The following FAM135B variants were observed in gnomAD, a reference collection of about 807,000 sequenced individuals.
FAM135B encodes the protein protein FAM135B.
A neutral mutation model predicts 127.7 loss-of-function variants in FAM135B; 43 were observed. The observed-to-expected ratio is 0.34, with a 90% CI of 0.26 to 0.43. The LOEUF (loss-of-function observed/expected upper bound fraction) is 0.43. FAM135B is among the 20% of genes least tolerant of loss of function. The probability of loss-of-function intolerance (pLI) is 1.00; values close to 1 mark genes in which losing one functional copy is unlikely to be tolerated. For missense variants in FAM135B, 1,558 were observed against 1,725.6 expected, an observed-to-expected ratio of 0.90 and a Z score of 1.72; for synonymous variants, 670 against 665.1, an observed-to-expected ratio of 1.01 and a Z score of -0.11.
intron 7 of FAM135B, among the ~76,000 whole-genome samples, 191 bp from the exon 8 acceptor site, chr8:138,197,860 A>T (rs1449089897): frequency 6.6e-6 from 1 of 152,158 alleles, no homozygotes; most frequent in East Asian, 1.9e-4. Flanking sequence ...CCTGAGCTGG[A>T]ATTGCTTCTT....
intron 3 of FAM135B, among the ~76,000 whole-genome samples, chr8:138,269,523 C>T (rs1409901801): frequency 1.3e-5 from 2 of 152,210 alleles, no homozygotes; most frequent in Non-Finnish European, 2.9e-5. Flanking sequence ...TGTGTGAATT[C>T]CTTTAAACTC....
intron 7 of FAM135B, among the ~76,000 whole-genome samples, chr8:138,220,036 C>T (rs969786426): frequency 6.8e-6 from 1 of 146,452 alleles, no homozygotes; most frequent in Non-Finnish European, 1.5e-5. Context: ...TTAACTCATA[C>T]ACAAATAGGG....
chr8:138,342,227 T>C (rs925545421), intron 2 of FAM135B, among the ~76,000 whole-genome samples: 1 of 152,176 alleles, frequency 6.6e-6, no homozygotes. Flanking sequence ...GACAGAACCA[T>C]GATTCAATTC....
Position 138,130,608 on chromosome 8 carries a change from G to A in FAM135B, c.*1985C>T, listed in dbSNP as rs1816138835. The A allele has an allele frequency of 6.6e-6, 1 of 152,254 alleles. No individual in the cohort carries two copies. The highest frequency in any genetic ancestry group is 2.1e-4 in the South Asian group (1 of 4,822). The allele number at this position is 152,254 out of a possible 1,614,324, so 9.4% of individuals were successfully genotyped here. A position where few individuals can be genotyped will look rare whatever the true frequency, so the allele number is the denominator to read the frequency against. On this transcript the variant is annotated 3_prime_UTR_variant, in exon 20 of 20. Transcript: ENST00000395297. Reference sequence around the variant, plus strand: ...CTGATGAAAATTGGAAACACAACATGAAATGCACTCATCAGAGGGACAGGG... The same window carrying A: ...CTGATGAAAATTGGAAACACAACATAAAATGCACTCATCAGAGGGACAGGG...
chr8:138,331,525 AG>A (rs1477353509), intron 2 of FAM135B, among the ~76,000 whole-genome samples: 1 of 152,198 alleles, frequency 6.6e-6, no homozygotes, highest in Non-Finnish European at 1.5e-5. Flanking sequence ...ACAGTAAAAC[AG>A]TGGTGAGGCT....
At chr8:138,351,837 GTGCTACCAT>G (rs960580096) in intron 2 of FAM135B, among the ~76,000 whole-genome samples, 1 of 151,946 alleles carries the variant, frequency 6.6e-6, no homozygotes, top group African/African-American at 2.4e-5. Context: ...CTACAGGCAT[GTGCTACCAT>G]GCCCAGCTAA....
chr8:138,289,587 C>T (rs1377251806), intron 3 of FAM135B, among the ~76,000 whole-genome samples: 1 of 152,222 alleles, frequency 6.6e-6, no homozygotes, highest in African/African-American at 2.4e-5. Context: ...CCTGTGTATA[C>T]TTCAACTAAC....
intron 1 of FAM135B, among the ~76,000 whole-genome samples, chr8:138,393,039 G>C (rs1298496847): frequency 6.6e-6 from 1 of 152,170 alleles, no homozygotes; most frequent in African/African-American, 2.4e-5. Flanking sequence ...GTGAGGAGGA[G>C]CAAGTCACGT....
chr8:138,242,721 A>G lies in FAM135B; in HGVS notation c.669+221T>C, dbSNP rs1427277422. On this transcript the variant is annotated intron_variant, in intron 7 of 19. Coordinates refer to ENST00000395297, the MANE Select transcript of FAM135B (RefSeq NM_015912.4). This position sits in a 1 kb window ranked among gnomAD's most constrained non-coding sequence, Gnocchi z 9.6. ...GACCACATATAACAAGTATCATATGAAGACCATATTCCCTGTATCTATCCC... is the reference window on the plus strand; with the variant it reads ...GACCACATATAACAAGTATCATATGGAGACCATATTCCCTGTATCTATCCC... Among the ~76,000 whole-genome samples, 1 of 152,178 alleles carries G rather than the reference A, an allele frequency of 6.6e-6. No individual in the cohort carries two copies. Among genetic ancestry groups the G allele is most frequent in the Non-Finnish European group, 1.5e-5 (1 of 68,036 alleles).
At chr8:138,263,834 T>A (rs1250394446) in intron 4 of FAM135B, among the ~76,000 whole-genome samples, 1 of 152,188 alleles carries the variant, frequency 6.6e-6, no homozygotes, top group Non-Finnish European at 1.5e-5. Context: ...ATGTTGGGTA[T>A]CCACAGTGTA....
chr8:138,270,897 T>C (rs1389364911), intron 3 of FAM135B, among the ~76,000 whole-genome samples: 2 of 152,238 alleles, frequency 1.3e-5, no homozygotes, highest in Non-Finnish European at 2.9e-5. Flanking sequence ...GAGGCCCTAG[T>C]GGCCTGTGCA....
intron 1 of FAM135B, among the ~76,000 whole-genome samples, chr8:138,495,202 T>C (rs1815345366): frequency 6.6e-6 from 1 of 152,220 alleles, no homozygotes; most frequent in Non-Finnish European, 1.5e-5. Context: ...TCCCATTGGA[T>C]TGTGATTGAG....
chr8:138,262,921 A>G, intron 4 of FAM135B, among the ~76,000 whole-genome samples: 1 of 149,530 alleles, frequency 6.7e-6, no homozygotes, highest in African/African-American at 2.5e-5. Flanking sequence ...AAAAAAAAAA[A>G]GCAACTAACA....
intron 3 of FAM135B, among the ~76,000 whole-genome samples, chr8:138,281,282 T>A (rs544533646): frequency 7.9e-5 from 12 of 152,236 alleles, no homozygotes; most frequent in African/African-American, 2.9e-4. Context: ...TGAAATATAT[T>A]CACCATTCTC....
At position 138,151,529 on chromosome 8, in the gene FAM135B, T is replaced by A. The variant is rs200519684; in HGVS notation, c.2946A>T (p.Ala982=). The change falls in exon 13 of 20, where the codon GCA becomes GCT. Residue 982 remains alanine (A), a synonymous_variant. Coordinates refer to ENST00000395297, the MANE Select transcript of FAM135B (RefSeq NM_015912.4). ...GGGTCACAGTGGGGCACACAGTGCC[T>A]GCTTTATGTTTAGCCTCCGGGAAGG... ...VNAFPEAKHK[A]GTVCPTVTHS... The A allele has an allele frequency of 1.6e-5, 26 of 1,614,242 alleles. No individual in the cohort carries two copies. The highest frequency in any genetic ancestry group is 2.7e-5 in the African/African-American group (2 of 75,074).
At chr8:138,338,768 C>T (rs1333744661) in intron 2 of FAM135B, among the ~76,000 whole-genome samples, 4 of 151,980 alleles carry the variant, frequency 2.6e-5, no homozygotes, top group African/African-American at 9.7e-5. Context: ...GGGTATATAC[C>T]CAAAGGATTA....
At chr8:138,422,058 G>C (rs1834542532) in intron 1 of FAM135B, among the ~76,000 whole-genome samples, 1 of 152,098 alleles carries the variant, frequency 6.6e-6, no homozygotes, top group Non-Finnish European at 1.5e-5. Flanking sequence ...GGGATAACTG[G>C]CTAGCCATAA....
At chr8:138,330,484 C>T (rs1308811316) in intron 2 of FAM135B, among the ~76,000 whole-genome samples, 1 of 152,146 alleles carries the variant, frequency 6.6e-6, no homozygotes, top group Non-Finnish European at 1.5e-5. Context: ...AAGGCACTGC[C>T]CTTTTCAAAT....
At chr8:138,237,093 T>G (rs1586847413) in intron 7 of FAM135B, among the ~76,000 whole-genome samples, 1 of 151,784 alleles carries the variant, frequency 6.6e-6, no homozygotes, top group South Asian at 2.1e-4. Context: ...AAAAGTGGTG[T>G]GCAGCCTTCC....
Sources: allele counts gnomAD v4.1 joint callset (sites outside exome capture counted in the v4.1 genomes callset), GRCh38; gene constraint gnomAD v4.1.1; non-coding constraint Gnocchi (gnomAD v3.1); transcripts MANE v1.5; gene names NCBI Gene and HGNC (gene_info 2026-07-23, HGNC 2026-07-21).